The following RRAGD variants were observed in gnomAD, a reference collection of about 807,000 sequenced individuals.
RRAGD encodes the protein ras-related GTP-binding protein D.
A neutral mutation model predicts 35.5 loss-of-function variants in RRAGD; 12 were observed. The observed-to-expected ratio is 0.34, with a 90% CI of 0.22 to 0.55. The LOEUF is 0.55. RRAGD is among the 20% of genes least tolerant of loss of function. The probability of loss-of-function intolerance (pLI) is 0.91; values close to 1 mark genes in which losing one functional copy is unlikely to be tolerated. For missense variants in RRAGD, 324 were observed against 490.1 expected (o/e 0.66, Z 3.20); for synonymous variants, 155 against 178.9 (o/e 0.87, Z 1.07).
chr6:89,392,124 T>TA (rs1478988842), intron 1 of RRAGD, among the ~76,000 whole-genome samples: 1 of 151,680 alleles, frequency 6.6e-6, no homozygotes, highest in Non-Finnish European at 1.5e-5. Flanking sequence ...TACACAAAAA[T>TA]AAAAAACCCA....
At position 89,412,171 on chromosome 6, in the gene RRAGD, G is replaced by C. The variant is rs1450983296; in HGVS notation, c.-178C>G. On this transcript the variant is annotated 5_prime_UTR_variant, in exon 1 of 7. Coordinates refer to ENST00000369415, the MANE Select transcript of RRAGD (RefSeq NM_021244.5). The surrounding 1 kb of genome is among the most constrained non-coding windows in gnomAD (Gnocchi z 4.2). ...GGCGGCGCCCAGGTCCGGGTCCCGC[G>C]GTTCCCAGCGCGCCCGAAGCCCCCT... The C allele has an allele frequency of 4.4e-6, 2 of 450,684 alleles. No individual in the cohort carries two copies. Among genetic ancestry groups the C allele is most frequent in the Non-Finnish European group, 7.0e-6 (2 of 286,600 alleles). 27.9% of individuals were successfully genotyped at this position (450,684 alleles called of 1,614,324 possible).
intron 2 of RRAGD, among the ~76,000 whole-genome samples, chr6:89,381,871 G>T (rs1435969253): frequency 6.6e-6 from 1 of 152,166 alleles, no homozygotes; most frequent in African/African-American, 2.4e-5. Context: ...TCTGAAGGGT[G>T]ACTTGTCAGG....
At chr6:89,387,914 G>C (rs1397496806) in intron 1 of RRAGD, among the ~76,000 whole-genome samples, 1 of 152,078 alleles carries the variant, frequency 6.6e-6, no homozygotes, top group East Asian at 1.9e-4. Flanking sequence ...AGGGACTCAG[G>C]AGCGTGAAGA....
chr6:89,411,644 C>T lies in RRAGD; in HGVS notation c.148+202G>A, dbSNP rs986148578. The stretch of plus-strand genomic sequence containing the variant: ...CCCTTTTCCACCGATCCTGGTTGCC[C>T]CTCCGCCACCAGCACCGCGCTCCCT... On this transcript the variant is annotated intron_variant, in intron 1 of 6. Coordinates refer to ENST00000369415, the MANE Select transcript of RRAGD (RefSeq NM_021244.5). This position sits in a 1 kb window ranked among gnomAD's most constrained non-coding sequence, Gnocchi z 5.6. 2 of 599,054 alleles carry T rather than the reference C, an allele frequency of 3.3e-6. No individual in the cohort carries two copies. Among genetic ancestry groups the T allele is most frequent in the Non-Finnish European group, 5.7e-6 (2 of 348,552 alleles). The allele number at this position is 599,054 out of a possible 1,614,324, so 37.1% of individuals were successfully genotyped here. A position where few individuals can be genotyped will look rare whatever the true frequency, so the allele number is the denominator to read the frequency against.
In RRAGD at chr6:89,405,166, C is replaced by T. The variant is rs146856416; in HGVS notation, c.148+6680G>A. ...GAGATCGAGATCATCCTGGCTAACA[C>T]GGTGAAAACCCGTCTCTACTAAAAA... On this transcript the variant is annotated intron_variant, in intron 1 of 6. Transcript: ENST00000369415. Among the ~76,000 whole-genome samples, 8 of 151,908 alleles carry T rather than the reference C, an allele frequency of 5.3e-5. No individual in the cohort carries two copies. The East Asian group carries it at 9.7e-4, about 18-fold the overall frequency.
chr6:89,382,400 A>AATATAC (rs1769058833), intron 2 of RRAGD, among the ~76,000 whole-genome samples: 1 of 130,892 alleles, frequency 7.6e-6, no homozygotes, highest in Non-Finnish European at 1.5e-5. Flanking sequence ...TATCTCTAGA[A>AATATAC]ATATATATAT....
chr6:89,380,429 A>G, intron 2 of RRAGD, 62 bp from the exon 3 acceptor site: 1 of 1,419,934 alleles, frequency 7.0e-7, no homozygotes, highest in Non-Finnish European at 9.7e-7. Context: ...TCCCACACAC[A>G]CTCTTCACCT....
At chr6:89,395,460 A>T (rs1769315511) in intron 1 of RRAGD, among the ~76,000 whole-genome samples, 1 of 152,242 alleles carries the variant, frequency 6.6e-6, no homozygotes, top group South Asian at 2.1e-4. Flanking sequence ...AAATAAGTAA[A>T]TAAGATAAAA....
At chr6:89,378,821 A>G (rs1453679106) in intron 4 of RRAGD, among the ~76,000 whole-genome samples, 1 of 152,182 alleles carries the variant, frequency 6.6e-6, no homozygotes, top group East Asian at 1.9e-4. Context: ...GCAGTGGCAC[A>G]ATCATGGCTC....
chr6:89,381,438 A>G (rs1314200935), intron 2 of RRAGD, among the ~76,000 whole-genome samples: 1 of 152,182 alleles, frequency 6.6e-6, no homozygotes, highest in African/African-American at 2.4e-5. Context: ...AAACACCTAC[A>G]CAAAAGCCCT....
At position 89,366,425 on chromosome 6, in the gene RRAGD, G is replaced by C. The variant is rs932094481; in HGVS notation, c.*1631C>G. On this transcript the variant is annotated 3_prime_UTR_variant, in exon 7 of 7. Transcript: ENST00000369415. ...TGCACACCTGTAGTTCTAGCTACTA[G>C]GGAGGCTGAGGTGGAAGGATCCCTT... The C allele has an allele frequency of 6.6e-6, 1 of 151,774 alleles. No homozygotes were observed. Among genetic ancestry groups the C allele is most frequent in the Non-Finnish European group, 1.5e-5 (1 of 68,022 alleles). The allele number at this position is 151,774 out of a possible 1,614,324, so 9.4% of individuals were successfully genotyped here. A position where few individuals can be genotyped will look rare whatever the true frequency, so the allele number is the denominator to read the frequency against.
intron 1 of RRAGD, among the ~76,000 whole-genome samples, chr6:89,405,385 T>C (rs1274264922): frequency 7.2e-6 from 1 of 139,134 alleles, no homozygotes; most frequent in Non-Finnish European, 1.5e-5. Flanking sequence ...AGAGATAACA[T>C]AGTGGCGAAG....
In RRAGD at chr6:89,411,491, C is replaced by T; in HGVS notation, c.148+355G>A. 4.0e-6 allele frequency: 1 copy of T among 248,348 alleles called. No homozygotes were observed. The highest frequency in any genetic ancestry group is 7.9e-6 in the Non-Finnish European group (1 of 126,710). 15.4% of individuals were successfully genotyped at this position (248,348 alleles called of 1,614,324 possible). ...CTGGGAGAGAGGTCCCAGGGCGCGC[C>T]CGCGGTCCCCTCCCCTCCCCAACCG... is the stretch of plus-strand genomic sequence containing the variant. On this transcript the variant is annotated intron_variant, in intron 1 of 6. Coordinates refer to ENST00000369415, the MANE Select transcript of RRAGD (RefSeq NM_021244.5). The surrounding 1 kb of genome is among the most constrained non-coding windows in gnomAD (Gnocchi z 5.6).
intron 3 of RRAGD, 64 bp downstream of exon 3, chr6:89,380,104 T>C: frequency 6.7e-7 from 1 of 1,491,538 alleles, no homozygotes; most frequent in Non-Finnish European, 9.3e-7. Flanking sequence ...TCATGGTGAC[T>C]CCGAACCCCA....
At position 89,391,086 on chromosome 6, in the gene RRAGD, C is replaced by T. The variant is rs150368399; in HGVS notation, c.149-3496G>A. 6.4e-3 allele frequency among the ~76,000 whole-genome samples: 970 copies of T among 152,030 alleles called. 5 individuals carry two copies. Among genetic ancestry groups the T allele is most frequent in the Non-Finnish European group, 0.011 (735 of 67,964 alleles). ...AACTCATGAATGGATGAAAAGAATG[C>T]GGTACAATGGAATACAGGCTAGGAA... is the stretch of plus-strand genomic sequence containing the variant. On this transcript the variant is annotated intron_variant, in intron 1 of 6. Coordinates refer to ENST00000369415, the MANE Select transcript of RRAGD (RefSeq NM_021244.5).
intron 1 of RRAGD, among the ~76,000 whole-genome samples, chr6:89,398,348 C>T (rs1289784751): frequency 5.9e-5 from 9 of 152,148 alleles, no homozygotes; most frequent in South Asian, 4.1e-4. Flanking sequence ...ACAGTTACAG[C>T]TGTCATAAAA....
chr6:89,387,224 C>T, intron 2 of RRAGD, 71 bp downstream of exon 2: 4 of 1,497,352 alleles, frequency 2.7e-6, no homozygotes, highest in Non-Finnish European at 3.6e-6. Flanking sequence ...GTTTAAAAAC[C>T]AAACCAAAAA....
chr6:89,391,411 T>C (rs1439670146), intron 1 of RRAGD, among the ~76,000 whole-genome samples: 1 of 151,572 alleles, frequency 6.6e-6, no homozygotes, highest in African/African-American at 2.4e-5. Flanking sequence ...CAATGGAATA[T>C]TATTCAGCCA....
rs5878092 is a variant in RRAGD at position 89,366,525 on chromosome 6, T to TAAAAAA, written c.*1525_*1530dup. On this transcript the variant is annotated 3_prime_UTR_variant, in exon 7 of 7. Coordinates refer to ENST00000369415, the MANE Select transcript of RRAGD (RefSeq NM_021244.5). ...CAAGCAACAGAATGAGGCCCCCCTC[T>TAAAAAA]AAAAAAAAAAAAAAAAAAAGTTTCA... 2 of 124,638 alleles carry TAAAAAA rather than the reference T, an allele frequency of 1.6e-5. No homozygotes were observed. Among genetic ancestry groups the TAAAAAA allele is most frequent in the African/African-American group, 3.0e-5 (1 of 33,680 alleles). The allele number at this position is 124,638 out of a possible 1,614,324, so 7.7% of individuals were successfully genotyped here.
Sources: allele counts gnomAD v4.1 joint callset (sites outside exome capture counted in the v4.1 genomes callset), GRCh38; gene constraint gnomAD v4.1.1; non-coding constraint Gnocchi (gnomAD v3.1); transcripts MANE v1.5; gene names NCBI Gene and HGNC (gene_info 2026-07-23, HGNC 2026-07-21).